The following XPR1 variants were observed in gnomAD, a reference collection of about 807,000 sequenced individuals.
XPR1 encodes the protein solute carrier family 53 member 1.
XPR1 carries 28 observed loss-of-function variants against 87.5 expected under a neutral mutation model. That is an observed-to-expected ratio of 0.32 (90% CI 0.24 to 0.44). The LOEUF (loss-of-function observed/expected upper bound fraction) is 0.44. XPR1 is among the 20% of genes least tolerant of loss of function. XPR1 has a pLI of 1.00. For synonymous variants in XPR1, 300 were observed against 306.1 expected (o/e 0.98, Z 0.21); for missense variants, 559 against 862.3 (o/e 0.65, Z 4.41).
chr1:180,811,602 A>G (rs1261910895), intron 7 of XPR1, 114 bp downstream of exon 7: 9 of 804,160 alleles, frequency 1.1e-5, no homozygotes, highest in South Asian at 2.4e-5. Context: ...AGATAAATCT[A>G]TCAGGGCTAA....
intron 9 of XPR1, among the ~76,000 whole-genome samples, chr1:180,828,522 T>C (rs1650941715): frequency 6.6e-6 from 1 of 152,202 alleles, no homozygotes; most frequent in South Asian, 2.1e-4. Flanking sequence ...TTTTAAATTA[T>C]AGTCCTTTGT....
At chr1:180,775,031 T>C (rs1648659825) in intron 2 of XPR1, among the ~76,000 whole-genome samples, 1 of 152,154 alleles carries the variant, frequency 6.6e-6, no homozygotes, top group African/African-American at 2.4e-5. Flanking sequence ...TCAGCCTCTT[T>C]TATAACGTCA....
At chr1:180,815,249 G>T (rs1388562757) in intron 7 of XPR1, among the ~76,000 whole-genome samples, 1 of 151,294 alleles carries the variant, frequency 6.6e-6, no homozygotes, top group African/African-American at 2.4e-5. Flanking sequence ...CAATTTGAGG[G>T]TTTTTTTGTT....
chr1:180,767,057 C>T (rs549560793), intron 2 of XPR1, among the ~76,000 whole-genome samples: 9 of 152,270 alleles, frequency 5.9e-5, no homozygotes, highest in African/African-American at 2.2e-4. Context: ...CTTCTTTTCT[C>T]GCTCTCTCCA....
intron 1 of XPR1, among the ~76,000 whole-genome samples, chr1:180,669,370 T>C (rs1656079205): frequency 6.6e-6 from 1 of 152,120 alleles, no homozygotes; most frequent in African/African-American, 2.4e-5. Flanking sequence ...AAATTTTGTT[T>C]TGTTTTGTTT....
intron 2 of XPR1, among the ~76,000 whole-genome samples, chr1:180,717,797 T>C (rs143000093): frequency 5.9e-5 from 9 of 152,268 alleles, no homozygotes; most frequent in Admixed American, 4.6e-4. Context: ...ATTTACACTA[T>C]AGAAATTGGC....
chr1:180,854,935 T>C (rs1558040006), intron 11 of XPR1, among the ~76,000 whole-genome samples: 1 of 152,202 alleles, frequency 6.6e-6, no homozygotes, highest in Non-Finnish European at 1.5e-5. Context: ...CCAGAGACTA[T>C]GTTGCCTTTC....
At chr1:180,711,264 G>T (rs1657778341) in intron 2 of XPR1, among the ~76,000 whole-genome samples, 1 of 152,248 alleles carries the variant, frequency 6.6e-6, no homozygotes, top group Non-Finnish European at 1.5e-5. Flanking sequence ...AAGGCAGGCG[G>T]CTGGGAGGTG....
At chr1:180,717,204 G>A (rs1418487224) in intron 2 of XPR1, among the ~76,000 whole-genome samples, 2 of 152,118 alleles carry the variant, frequency 1.3e-5, no homozygotes, top group African/African-American at 4.8e-5. Flanking sequence ...TGTTGGTCAG[G>A]CTGGTCTTGA....
At chr1:180,874,647 A>G (rs1418042504) in intron 13 of XPR1, among the ~76,000 whole-genome samples, 1 of 152,076 alleles carries the variant, frequency 6.6e-6, no homozygotes, top group Non-Finnish European at 1.5e-5. Flanking sequence ...CCAAGACTGC[A>G]CTGTTGCACT....
intron 11 of XPR1, among the ~76,000 whole-genome samples, chr1:180,841,088 G>C (rs1019139137): frequency 1.3e-5 from 2 of 152,006 alleles, no homozygotes; most frequent in Admixed American, 6.5e-5. Flanking sequence ...GCTTAAAATG[G>C]TAAATTTTGT....
intron 2 of XPR1, among the ~76,000 whole-genome samples, chr1:180,712,277 GCTA>G (rs1170580518): frequency 6.6e-6 from 1 of 152,138 alleles, no homozygotes; most frequent in Non-Finnish European, 1.5e-5. Flanking sequence ...AACTGAGATG[GCTA>G]CTAAGTGACT....
intron 1 of XPR1, among the ~76,000 whole-genome samples, chr1:180,660,488 T>C (rs1055700443): frequency 3.9e-5 from 6 of 152,196 alleles, no homozygotes; most frequent in African/African-American, 1.4e-4. Flanking sequence ...CTTATAGCTA[T>C]AAACTTTCCT....
chr1:180,888,269 AT>A lies in XPR1; in HGVS notation c.*4204del, dbSNP rs1248290254. Reference sequence around the variant, plus strand: ...TATTCTAAGGAAAATAATTAAGAAAATAACCCTATCTGTGGCATTGTTTTAA... The same window carrying A: ...TATTCTAAGGAAAATAATTAAGAAAAAACCCTATCTGTGGCATTGTTTTAA... On this transcript the variant is annotated 3_prime_UTR_variant, in exon 15 of 15. Transcript: ENST00000367590. The A allele has an allele frequency of 5.3e-5, 8 of 152,042 alleles. No homozygotes were observed. Among genetic ancestry groups the A allele is most frequent in the African/African-American group, 1.9e-4 (8 of 41,410 alleles). 9.4% of individuals were successfully genotyped at this position (152,042 alleles called of 1,614,324 possible).
Position 180,743,224 on chromosome 1 carries a change from T to TG in XPR1, c.122-44521dup, listed in dbSNP as rs1553243627. Among the ~76,000 whole-genome samples, 3,529 of 149,446 alleles carry TG rather than the reference T, an allele frequency of 0.024. 377 individuals carry two copies. In the East Asian group the frequency reaches 0.34, roughly 14 times the overall value. ...TTCTGTTCATTTTCCCTTTTTTTTT[T>TG]GGGGGGGGAGTATTTTAATATTTTT... On this transcript the variant is annotated intron_variant, in intron 2 of 14. Transcript: ENST00000367590.
At chr1:180,754,030 T>A (rs1224063874) in intron 2 of XPR1, among the ~76,000 whole-genome samples, 1 of 152,210 alleles carries the variant, frequency 6.6e-6, no homozygotes, top group African/African-American at 2.4e-5. Flanking sequence ...TGCCACCTTC[T>A]CCAAGTTTTT....
chr1:180,825,118 AAATAACAATTTT>A lies in XPR1; in HGVS notation c.955-46_955-35del, dbSNP rs1558026725. 2.6e-6 allele frequency: 4 copies of A among 1,546,798 alleles called. No individual in the cohort carries two copies. In the South Asian group the frequency reaches 3.8e-5, roughly 15 times the overall value. On this transcript the variant is annotated intron_variant, in intron 8 of 14. Transcript: ENST00000367590. ...ATATTTTAAGTAATGGTAAAAGTAA[AAATAACAATTTT>A]TCTCTATCTTTCTGTCTTCCCCATC...
chr1:180,799,737 CT>C (rs1299875713), intron 3 of XPR1, among the ~76,000 whole-genome samples: 1 of 152,106 alleles, frequency 6.6e-6, no homozygotes, highest in Non-Finnish European at 1.5e-5. Context: ...AGGGGTGACT[CT>C]GGGGTTCAGT....
In XPR1 at chr1:180,834,856, A is replaced by ATT. The variant is rs113553362; in HGVS notation, c.1135-9_1135-8dup. On this transcript the variant is annotated splice_polypyrimidine_tract_variant and intron_variant, in intron 9 of 14. Transcript: ENST00000367590. ...ACTTTTCTTGTTTCTGTGTTTTCTG[A>ATT]TTTTTTTTTTCTTTCAGTTTCGAGT... is the stretch of plus-strand genomic sequence containing the variant. 26 of 1,491,052 alleles carry ATT rather than the reference A, an allele frequency of 1.7e-5. No individual in the cohort carries two copies. The African/African-American group carries it at 2.1e-4, about 12-fold the overall frequency. The allele number at this position is 1,491,052 out of a possible 1,614,324, so 92.4% of individuals were successfully genotyped here.
Sources: allele counts gnomAD v4.1 joint callset (sites outside exome capture counted in the v4.1 genomes callset), GRCh38; gene constraint gnomAD v4.1.1; transcripts MANE v1.5; gene names NCBI Gene and HGNC (gene_info 2026-07-23, HGNC 2026-07-21).